Variants in MYO3B observed in about 807,000 individuals in gnomAD.
The protein encoded by MYO3B is myosin IIIB.
MYO3B carries 156 observed loss-of-function variants against 174.6 expected under a neutral mutation model. The observed-to-expected ratio is 0.89, with a 90% CI of 0.78 to 1.02. MYO3B has a LOEUF of 1.02. MYO3B is among the 50% of genes least tolerant of loss of function. The pLI, the probability that MYO3B is intolerant of heterozygous loss-of-function variation, is 0.00. For synonymous variants in MYO3B, 563 were observed against 569.1 expected (o/e 0.99, Z 0.15); for missense variants, 1,632 against 1,639.4 (o/e 1.00, Z 0.08).
chr2:170,255,191 G>A (rs760411757), intron 7 of MYO3B, among the ~76,000 whole-genome samples: 1 of 152,170 alleles, frequency 6.6e-6, no homozygotes, highest in African/African-American at 2.4e-5. Context: ...CCTAACCTTT[G>A]GCTTGAGCCG....
At chr2:170,424,114 G>A (rs774498064) in intron 22 of MYO3B, among the ~76,000 whole-genome samples, 15 of 152,180 alleles carry the variant, frequency 9.9e-5, no homozygotes, top group Non-Finnish European at 2.1e-4. Context: ...GATGGCTCCC[G>A]TGTACCAGAC....
intron 7 of MYO3B, among the ~76,000 whole-genome samples, chr2:170,333,035 G>A (rs772250423): frequency 1.4e-4 from 21 of 152,068 alleles, no homozygotes; most frequent in Admixed American, 1.3e-4. Context: ...AACTGCTTTG[G>A]GGGTGAATGA....
chr2:170,578,779 C>T (rs1255924488), intron 32 of MYO3B, among the ~76,000 whole-genome samples: 2 of 152,196 alleles, frequency 1.3e-5, no homozygotes, highest in Admixed American at 6.5e-5. Context: ...TCCGCTGCCC[C>T]GCTGCGAGGA....
At chr2:170,320,313 G>A (rs2093814883) in intron 7 of MYO3B, among the ~76,000 whole-genome samples, 1 of 152,124 alleles carries the variant, frequency 6.6e-6, no homozygotes, top group African/African-American at 2.4e-5. Context: ...CTTCCAAAAT[G>A]TTGGGATTAC....
Position 170,403,558 on chromosome 2 carries a change from T to C in MYO3B, c.2277+563T>C, listed in dbSNP as rs1164815937. Among the ~76,000 whole-genome samples, 3 of 152,226 alleles carry C rather than the reference T, an allele frequency of 2.0e-5. No individual in the cohort carries two copies. The East Asian group carries it at 5.8e-4, about 29-fold the overall frequency. On this transcript the variant is annotated intron_variant, in intron 19 of 34. Coordinates refer to ENST00000408978, the MANE Select transcript of MYO3B (RefSeq NM_138995.5). ...GCTCTTTTCCTGTGGCAGCAGCCTATATAGCAGTCTGATCAACCCCAACCT... is the reference window on the plus strand; with the variant it reads ...GCTCTTTTCCTGTGGCAGCAGCCTACATAGCAGTCTGATCAACCCCAACCT...
chr2:170,375,968 T>C (rs1399296605), intron 9 of MYO3B, among the ~76,000 whole-genome samples: 7 of 152,310 alleles, frequency 4.6e-5, no homozygotes, highest in Middle Eastern at 3.4e-3. Flanking sequence ...AGTTAGTTAA[T>C]ATTAATTTTA....
chr2:170,357,942 C>T (rs986864405), intron 8 of MYO3B, among the ~76,000 whole-genome samples: 6 of 152,110 alleles, frequency 3.9e-5, no homozygotes, highest in Non-Finnish European at 5.9e-5. Flanking sequence ...CACCTGAGGT[C>T]GGGAGTTCGA....
chr2:170,509,319 T>C (rs1423830716), intron 28 of MYO3B, among the ~76,000 whole-genome samples: 1 of 152,122 alleles, frequency 6.6e-6, no homozygotes, highest in Admixed American at 6.6e-5. Context: ...ATCGCACCAC[T>C]GCACTCCAAT....
At chr2:170,393,631 C>T (rs1412600856) in intron 16 of MYO3B, among the ~76,000 whole-genome samples, 2 of 152,078 alleles carry the variant, frequency 1.3e-5, no homozygotes, top group African/African-American at 4.8e-5. Flanking sequence ...CAAGACACTC[C>T]AGTTACCCTG....
intron 32 of MYO3B, among the ~76,000 whole-genome samples, chr2:170,549,910 G>A (rs983814493): frequency 6.6e-6 from 1 of 152,172 alleles, no homozygotes; most frequent in Middle Eastern, 3.2e-3. Flanking sequence ...ATCATAAAGG[G>A]CTAAGATGTC....
intron 1 of MYO3B, among the ~76,000 whole-genome samples, chr2:170,190,698 C>G (rs114846742): frequency 7.1e-4 from 108 of 152,228 alleles, no homozygotes; most frequent in African/African-American, 2.5e-3. Context: ...CTTCAGTCAG[C>G]TTATGATGAA....
chr2:170,428,664 C>T (rs1465461678), intron 22 of MYO3B, among the ~76,000 whole-genome samples: 1 of 152,212 alleles, frequency 6.6e-6, no homozygotes, highest in Non-Finnish European at 1.5e-5. Flanking sequence ...GTTGACATTA[C>T]ACACTGTTCG....
At chr2:170,191,915 C>T (rs4668218) in intron 1 of MYO3B, among the ~76,000 whole-genome samples, 65,062 of 151,968 alleles carry the variant, frequency 0.43, 15,105 homozygotes, top group South Asian at 0.53. Context: ...TATTGCTCTG[C>T]CTGTAACTCG....
At chr2:170,299,183 G>T (rs1360215464) in intron 7 of MYO3B, among the ~76,000 whole-genome samples, 1 of 152,112 alleles carries the variant, frequency 6.6e-6, no homozygotes, top group African/African-American at 2.4e-5. Context: ...CCCCTACTAG[G>T]ATATGAGCTC....
At position 170,230,293 on chromosome 2, in the gene MYO3B, C is replaced by T. The variant is rs539284178; in HGVS notation, c.604-5698C>T. ...CAAGCAATTCTCTTGCCTCAGCCTC[C>T]GGAGTAGCTGGGATCACAGGCATGT... On this transcript the variant is annotated intron_variant, in intron 6 of 34. Coordinates refer to ENST00000408978, the MANE Select transcript of MYO3B (RefSeq NM_138995.5). Among the ~76,000 whole-genome samples the T allele has an allele frequency of 1.9e-4, 28 of 145,800 alleles. No individual in the cohort carries two copies. In the South Asian group the frequency reaches 2.6e-3, roughly 14 times the overall value.
intron 23 of MYO3B, among the ~76,000 whole-genome samples, chr2:170,452,382 T>C (rs547930316): frequency 7.9e-5 from 12 of 152,292 alleles, no homozygotes; most frequent in Non-Finnish European, 1.3e-4. Flanking sequence ...GGTTCTCTCA[T>C]GTGGGCATCA....
At chr2:170,374,784 C>T (rs1261454079) in intron 9 of MYO3B, among the ~76,000 whole-genome samples, 2 of 151,854 alleles carry the variant, frequency 1.3e-5, no homozygotes, top group African/African-American at 2.4e-5. Flanking sequence ...CACACACACA[C>T]ACACACACAC....
At chr2:170,214,648 G>A in intron 4 of MYO3B, 81 bp from the exon 5 acceptor site, 1 of 1,382,112 alleles carries the variant, frequency 7.2e-7, no homozygotes, top group Non-Finnish European at 1.0e-6. Flanking sequence ...CTTTTCAATA[G>A]TAGGGTAATT....
rs575834163 is a variant in MYO3B at position 170,413,081 on chromosome 2, A to AG, written c.2650+5237_2650+5238insG. On this transcript the variant is annotated intron_variant, in intron 22 of 34. Coordinates refer to ENST00000408978, the MANE Select transcript of MYO3B (RefSeq NM_138995.5). ...AAATCCCAAAATGTATAAAAGATGA[A>AG]CAAAAAATCTACATTCTGAACAGGC... is the stretch of plus-strand genomic sequence containing the variant. 3.3e-5 allele frequency among the ~76,000 whole-genome samples: 5 copies of AG among 152,388 alleles called. No individual in the cohort carries two copies. The South Asian group carries it at 6.2e-4, about 19-fold the overall frequency.
Sources: allele counts gnomAD v4.1 joint callset (sites outside exome capture counted in the v4.1 genomes callset), GRCh38; gene constraint gnomAD v4.1.1; transcripts MANE v1.5; gene names NCBI Gene and HGNC (gene_info 2026-07-23, HGNC 2026-07-21).